Variants in ANGPT4 observed in about 807,000 individuals in gnomAD.
ANGPT4 encodes angiopoietin-4.
ANGPT4 carries 50 observed loss-of-function variants against 53.0 expected under a neutral mutation model. That is an observed-to-expected ratio of 0.94 (90% confidence interval 0.75 to 1.20). The LOEUF is 1.20. ANGPT4 is among the 50% of genes most tolerant of loss of function. The pLI, the probability that ANGPT4 is intolerant of heterozygous loss-of-function variation, is 0.00. For synonymous variants in ANGPT4, 251 were observed against 259.7 expected (o/e 0.97, Z 0.32); for missense variants, 648 against 637.1 (o/e 1.02, Z -0.18).
In ANGPT4 at chr20:872,837, G is replaced by C. The variant is rs1980996916; in HGVS notation, c.*123C>G. ...TGGACTTCTGGGTCAAGGAGGGCTG[G>C]CTCAGGAAGCCCAGGGTGTCAGGGA... is the stretch of plus-strand genomic sequence containing the variant. On this transcript the variant is annotated 3_prime_UTR_variant, in exon 9 of 9. Transcript: ENST00000381922. The C allele has an allele frequency of 7.7e-7, 1 of 1,291,668 alleles. No homozygotes were observed. The highest frequency in any genetic ancestry group is 1.4e-5 in the South Asian group (1 of 73,620). The allele number at this position is 1,291,668 out of a possible 1,614,324, so 80.0% of individuals were successfully genotyped here.
chr20:888,987 C>G (rs1418781162), intron 2 of ANGPT4, among the ~76,000 whole-genome samples: 4 of 152,214 alleles, frequency 2.6e-5, no homozygotes, highest in African/African-American at 9.6e-5. Flanking sequence ...GCCTGCCACT[C>G]TCCTCCTGGT....
intron 1 of ANGPT4, among the ~76,000 whole-genome samples, chr20:893,153 A>G (rs137956730): frequency 1.3e-5 from 2 of 152,262 alleles, no homozygotes; most frequent in East Asian, 3.9e-4. Flanking sequence ...AAAAGATCAC[A>G]TTTTTTGTCC....
intron 7 of ANGPT4, among the ~76,000 whole-genome samples, chr20:875,744 T>G (rs1044146606): frequency 2.0e-5 from 3 of 152,162 alleles, no homozygotes; most frequent in African/African-American, 7.2e-5. Context: ...TGGCTGGGCC[T>G]GGTTGGAGAG....
intron 6 of ANGPT4, among the ~76,000 whole-genome samples, chr20:878,528 G>A (rs1981264224): frequency 6.6e-6 from 1 of 152,240 alleles, no homozygotes. Flanking sequence ...GCTTTTGTAA[G>A]TGTAAAAGCC....
intron 1 of ANGPT4, among the ~76,000 whole-genome samples, chr20:903,269 C>A (rs974213888): frequency 1.3e-5 from 2 of 152,144 alleles, no homozygotes; most frequent in South Asian, 4.1e-4. Context: ...GGAAACTTAC[C>A]CTTCTAGTTG....
intron 7 of ANGPT4, among the ~76,000 whole-genome samples, chr20:876,864 T>A (rs1239801676): frequency 1.3e-5 from 2 of 151,150 alleles, no homozygotes; most frequent in Non-Finnish European, 2.9e-5. Flanking sequence ...CTGGGCAACA[T>A]AGGGAAACCC....
intron 4 of ANGPT4, among the ~76,000 whole-genome samples, chr20:883,813 G>A (rs907850917): frequency 2.4e-4 from 36 of 152,240 alleles, no homozygotes; most frequent in African/African-American, 8.2e-4. Flanking sequence ...CACATGGGAT[G>A]AATTCAGGCA....
chr20:882,791 C>CAATATCAATAACAATAACAACAAT (rs2122777256), intron 4 of ANGPT4, among the ~76,000 whole-genome samples: 1 of 152,290 alleles, frequency 6.6e-6, no homozygotes, highest in African/African-American at 2.4e-5. Flanking sequence ...TAGTCTACAA[C>CAATATCAATAACAATAACAACAAT]AATATCAATA....
chr20:875,759 C>T lies in ANGPT4; in HGVS notation c.1221-1345G>A, dbSNP rs148319755. Among the ~76,000 whole-genome samples the T allele has an allele frequency of 7.2e-3, 1,100 of 152,052 alleles. 19 individuals carry two copies. The highest frequency in any genetic ancestry group is 0.025 in the African/African-American group (1,055 of 41,480). On this transcript the variant is annotated intron_variant, in intron 7 of 8. Coordinates refer to ENST00000381922, the MANE Select transcript of ANGPT4 (RefSeq NM_015985.4). ...TGGCTGGGCCTGGTTGGAGAGAATGCGGGGTGTTTGTATGGCAGGGTTGGG... is the reference window on the plus strand; with the variant it reads ...TGGCTGGGCCTGGTTGGAGAGAATGTGGGGTGTTTGTATGGCAGGGTTGGG...
chr20:890,564 C>A (rs1244298958), intron 1 of ANGPT4, among the ~76,000 whole-genome samples, 196 bp from the exon 2 acceptor site: 2 of 152,158 alleles, frequency 1.3e-5, no homozygotes, highest in Non-Finnish European at 2.9e-5. Flanking sequence ...GATTTATATG[C>A]CTGTTTTGTC....
chr20:879,984 A>G, intron 5 of ANGPT4, 136 bp from the exon 6 acceptor site: 1 of 506,566 alleles, frequency 2.0e-6, no homozygotes, highest in East Asian at 3.3e-5. Context: ...GGCATCAGAA[A>G]GATCCAGGCT....
rs1352274056 is a variant in ANGPT4 at position 885,340 on chromosome 20, G to A, written c.588-15C>T. The stretch of plus-strand genomic sequence containing the variant: ...TCTCGAGCGCGCTGCGGGGTAGGGG[G>A]CGCACAGAGGTGAGCCTGGCATCCT... On this transcript the variant is annotated splice_polypyrimidine_tract_variant and intron_variant, in intron 3 of 8. Coordinates refer to ENST00000381922, the MANE Select transcript of ANGPT4 (RefSeq NM_015985.4). 3 of 1,565,356 alleles carry A rather than the reference G, an allele frequency of 1.9e-6. No individual in the cohort carries two copies. The South Asian group carries it at 3.5e-5, about 18-fold the overall frequency.
intron 3 of ANGPT4, among the ~76,000 whole-genome samples, chr20:886,722 T>C (rs753106797): frequency 8.5e-5 from 13 of 152,214 alleles, no homozygotes; most frequent in Non-Finnish European, 1.3e-4. Flanking sequence ...ATGTAAGGTA[T>C]TGATATTGTA....
chr20:890,418 C>T, intron 1 of ANGPT4, 50 bp from the exon 2 acceptor site: 1 of 1,544,322 alleles, frequency 6.5e-7, no homozygotes, highest in Non-Finnish European at 8.7e-7. Context: ...GGGGAAGCCC[C>T]CTGTCCCTCC....
At chr20:886,700 G>A (rs1981631610) in intron 3 of ANGPT4, among the ~76,000 whole-genome samples, 3 of 152,210 alleles carry the variant, frequency 2.0e-5, no homozygotes, top group Non-Finnish European at 4.4e-5. Context: ...ATAACAAAAT[G>A]TTGAGTAGCT....
At chr20:898,738 T>C (rs1013879477) in intron 1 of ANGPT4, among the ~76,000 whole-genome samples, 6 of 152,212 alleles carry the variant, frequency 3.9e-5, no homozygotes, top group African/African-American at 1.4e-4. Flanking sequence ...CCCAGCCACA[T>C]CCAGCACACA....
intron 3 of ANGPT4, among the ~76,000 whole-genome samples, chr20:885,820 T>C (rs1043253002): frequency 6.6e-6 from 1 of 152,180 alleles, no homozygotes; most frequent in African/African-American, 2.4e-5. Context: ...ATTGGAAAGA[T>C]GCCCAGGACT....
In ANGPT4 at chr20:916,106, C is replaced by G. The variant is rs776299477; in HGVS notation, c.109G>C (p.Val37Leu). ...QEADRGCETLVVQHGHCSYTF... is the reference protein window; with the variant it reads ...QEADRGCETLLVQHGHCSYTF... Reference sequence around the variant, plus strand: ...TAGCTACAGTGGCCGTGCTGGACTACAAGTGTCTCGCAGCCCCTATCCGCC... The same window carrying G: ...TAGCTACAGTGGCCGTGCTGGACTAGAAGTGTCTCGCAGCCCCTATCCGCC... Residue 37 changes from valine to leucine, a missense_variant, in exon 1 of 9, where the codon GTA (valine) becomes CTA (leucine). By Grantham distance (32) the Val-to-Leu change is conservative (BLOSUM62 1). Transcript: ENST00000381922. 3 of 1,614,200 alleles carry G rather than the reference C, an allele frequency of 1.9e-6. No homozygotes were observed. Among genetic ancestry groups the G allele is most frequent in the Non-Finnish European group, 2.5e-6 (3 of 1,180,024 alleles).
chr20:907,982 A>G (rs1392208097), intron 1 of ANGPT4, among the ~76,000 whole-genome samples: 5 of 152,218 alleles, frequency 3.3e-5, no homozygotes, highest in African/African-American at 4.8e-5. Flanking sequence ...ACAAAGGCCG[A>G]GCATTACTCA....
Sources: allele counts gnomAD v4.1 joint callset (sites outside exome capture counted in the v4.1 genomes callset), GRCh38; gene constraint gnomAD v4.1.1; transcripts MANE v1.5; gene names NCBI Gene and HGNC (gene_info 2026-07-23, HGNC 2026-07-21).